Variants in RARB observed in about 807,000 individuals in gnomAD.
RARB encodes the protein retinoic acid receptor beta.
Under a neutral mutation model 51.9 loss-of-function variants are expected in RARB, and 17 were observed. That is an observed-to-expected ratio of 0.33 (90% CI 0.22 to 0.49). The LOEUF is 0.49. Among genes scored for constraint, RARB ranks in the 20% least tolerant of loss-of-function variants. The pLI, the probability that RARB is intolerant of heterozygous loss-of-function variation, is 0.99. For synonymous variants in RARB, 215 were observed against 195.4 expected (o/e 1.10, Z -0.84); for missense variants, 369 against 550.8 (o/e 0.67, Z 3.30).
chr3:25,287,256 C>T (rs541919620), intron 5 of RARB, among the ~76,000 whole-genome samples: 8 of 152,310 alleles, frequency 5.3e-5, no homozygotes, highest in African/African-American at 1.9e-4. Flanking sequence ...ACTTATCCTT[C>T]TTTTTTCATC....
chr3:25,556,343 C>CT (rs1163896418), intron 3 of RARB, among the ~76,000 whole-genome samples: 1 of 152,110 alleles, frequency 6.6e-6, no homozygotes, highest in African/African-American at 2.4e-5. Context: ...TGAGACTGAC[C>CT]TGGGAGCTTT....
chr3:24,978,652 C>A (rs146885964), intron 2 of RARB, among the ~76,000 whole-genome samples: 130 of 151,542 alleles, frequency 8.6e-4, no homozygotes, highest in African/African-American at 3.0e-3. Flanking sequence ...CTCTTTTCTT[C>A]TTTATTAATC....
chr3:25,277,131 T>G (rs887688616), intron 5 of RARB, among the ~76,000 whole-genome samples: 4 of 151,792 alleles, frequency 2.6e-5, no homozygotes, highest in Non-Finnish European at 5.9e-5. Context: ...ATCCAAGGAG[T>G]AGAAAAGAAG....
intron 3 of RARB, among the ~76,000 whole-genome samples, chr3:25,523,688 G>T (rs983973275): frequency 6.6e-6 from 1 of 152,136 alleles, no homozygotes; most frequent in African/African-American, 2.4e-5. Context: ...CTCAAAAAAG[G>T]CTTAACGAAT....
At chr3:25,150,346 G>A (rs1392714713) in intron 4 of RARB, among the ~76,000 whole-genome samples, 4 of 152,220 alleles carry the variant, frequency 2.6e-5, no homozygotes, top group Non-Finnish European at 4.4e-5. Flanking sequence ...TCCCAAGGGA[G>A]AATAAGCCCA....
At chr3:25,414,915 C>T (rs1241668576) in intron 5 of RARB, among the ~76,000 whole-genome samples, 1 of 152,166 alleles carries the variant, frequency 6.6e-6, no homozygotes, top group Non-Finnish European at 1.5e-5. Flanking sequence ...TATCTTGGCT[C>T]ACTGCAACCT....
intron 5 of RARB, among the ~76,000 whole-genome samples, chr3:25,190,221 A>C (rs1012465534): frequency 2.0e-5 from 3 of 151,894 alleles, no homozygotes; most frequent in Non-Finnish European, 2.9e-5. Flanking sequence ...ATTTTCCTCA[A>C]TCTAATTCTC....
intron 5 of RARB, among the ~76,000 whole-genome samples, chr3:25,357,816 G>A (rs1396312878): frequency 1.3e-5 from 2 of 152,174 alleles, no homozygotes; most frequent in African/African-American, 4.8e-5. Context: ...TCAGATGGTT[G>A]TAGATGTGTG....
chr3:25,099,016 C>T (rs1485630296), intron 3 of RARB, among the ~76,000 whole-genome samples: 2 of 152,148 alleles, frequency 1.3e-5, no homozygotes, highest in African/African-American at 4.8e-5. Flanking sequence ...AAAGCTGGGG[C>T]TTGGGTCCAT....
chr3:25,340,596 T>C (rs961873177), intron 5 of RARB, among the ~76,000 whole-genome samples: 1 of 152,204 alleles, frequency 6.6e-6, no homozygotes. Context: ...GTGAGGACTT[T>C]TTTTCTCCAT....
At chr3:25,453,796 G>C (rs571118300) in intron 1 of RARB, among the ~76,000 whole-genome samples, 5 of 152,296 alleles carry the variant, frequency 3.3e-5, no homozygotes, top group African/African-American at 1.2e-4. Flanking sequence ...GTCACGGGCA[G>C]GTTACTGAGT....
At chr3:25,086,591 G>C (rs1699109863) in intron 3 of RARB, among the ~76,000 whole-genome samples, 1 of 152,092 alleles carries the variant, frequency 6.6e-6, no homozygotes, top group Admixed American at 6.6e-5. Flanking sequence ...AAGGTGGTTG[G>C]GTTACAGCTT....
At chr3:24,911,146 T>A (rs1694981977) in intron 2 of RARB, among the ~76,000 whole-genome samples, 1 of 152,188 alleles carries the variant, frequency 6.6e-6, no homozygotes, top group Non-Finnish European at 1.5e-5. Context: ...TTGGACTGCT[T>A]AATAATTAAA....
chr3:25,048,046 C>T (rs1299467096), intron 2 of RARB, among the ~76,000 whole-genome samples: 1 of 152,168 alleles, frequency 6.6e-6, no homozygotes, highest in Admixed American at 6.5e-5. Flanking sequence ...TAAGATGTGC[C>T]TTTGCTTCTT....
chr3:25,423,925 A>G (rs900979073), upstream of RARB, among the ~76,000 whole-genome samples: 1 of 152,226 alleles, frequency 6.6e-6, no homozygotes, highest in Non-Finnish European at 1.5e-5. Context: ...GTTGGAACCA[A>G]CCGAAACTGT....
chr3:25,363,002 A>C (rs1327510269), intron 5 of RARB, among the ~76,000 whole-genome samples: 1 of 152,210 alleles, frequency 6.6e-6, no homozygotes, highest in African/African-American at 2.4e-5. Context: ...ATCGATTTAC[A>C]GGTCCTGGCA....
intron 4 of RARB, among the ~76,000 whole-genome samples, chr3:25,173,570 G>A (rs1034184601): frequency 2.0e-5 from 3 of 152,200 alleles, no homozygotes; most frequent in South Asian, 2.1e-4. Flanking sequence ...AATAGCCACC[G>A]TAAAATCCAA....
intron 2 of RARB, among the ~76,000 whole-genome samples, chr3:25,002,873 G>C (rs1047670039): frequency 1.3e-5 from 2 of 151,974 alleles, no homozygotes; most frequent in Non-Finnish European, 2.9e-5. Flanking sequence ...GAGATCAATT[G>C]AGTTTATATA....
intron 2 of RARB, among the ~76,000 whole-genome samples, chr3:24,890,800 C>T (rs1214397912): frequency 1.3e-5 from 2 of 152,070 alleles, no homozygotes; most frequent in African/African-American, 4.8e-5. Context: ...GTTCTTCCTA[C>T]ATGCCTCGGC....
Sources: allele counts gnomAD v4.1 joint callset (sites outside exome capture counted in the v4.1 genomes callset), GRCh38; gene constraint gnomAD v4.1.1; transcripts MANE v1.5; gene names NCBI Gene and HGNC (gene_info 2026-07-23, HGNC 2026-07-21).